The following EXOC4 variants were observed in gnomAD, a reference collection of about 807,000 sequenced individuals.
The protein encoded by EXOC4 is SEC8-like 1.
Under a neutral mutation model 107.2 loss-of-function variants are expected in EXOC4, and 71 were observed. The ratio of observed to expected loss-of-function variants is 0.66; its 90% CI spans 0.55 to 0.81. The LOEUF is 0.81. Among genes scored for constraint, EXOC4 ranks in the 30% least tolerant of loss-of-function variants. The probability of loss-of-function intolerance (pLI) is 0.00; values close to 1 mark genes in which losing one functional copy is unlikely to be tolerated. For synonymous variants in EXOC4, 456 were observed against 441.2 expected (o/e 1.03, Z -0.42); for missense variants, 1,108 against 1,189.6 (o/e 0.93, Z 1.01).
At chr7:133,424,425 A>G (rs1797677941) in intron 7 of EXOC4, among the ~76,000 whole-genome samples, 1 of 152,090 alleles carries the variant, frequency 6.6e-6, no homozygotes, top group African/African-American at 2.4e-5. Flanking sequence ...CAGCGAGACC[A>G]CGAACCCACC....
At chr7:133,436,146 A>T (rs929236066) in intron 7 of EXOC4, among the ~76,000 whole-genome samples, 1 of 151,630 alleles carries the variant, frequency 6.6e-6, no homozygotes, top group South Asian at 2.1e-4. Context: ...TTTTTGAAAG[A>T]TGTTTTTCTT....
chr7:134,007,630 A>G, intron 16 of EXOC4, 46 bp from the exon 17 acceptor site: 2 of 1,523,940 alleles, frequency 1.3e-6, no homozygotes, highest in Non-Finnish European at 1.8e-6. Flanking sequence ...GAATGCCTCT[A>G]ATCTGTCATC....
At chr7:133,657,051 G>C (rs903590243) in intron 10 of EXOC4, among the ~76,000 whole-genome samples, 2 of 152,146 alleles carry the variant, frequency 1.3e-5, no homozygotes, top group East Asian at 1.9e-4. Flanking sequence ...TCTTAGTCTG[G>C]AAAGGTAAAA....
chr7:133,403,050 A>G (rs1797128063), intron 7 of EXOC4, among the ~76,000 whole-genome samples: 2 of 151,312 alleles, frequency 1.3e-5, no homozygotes, highest in African/African-American at 4.9e-5. Context: ...ATGCCCAGCT[A>G]ATTTTTTTAT....
intron 9 of EXOC4, among the ~76,000 whole-genome samples, chr7:133,583,175 T>C (rs767826503): frequency 6.6e-6 from 1 of 152,220 alleles, no homozygotes; most frequent in Non-Finnish European, 1.5e-5. Context: ...TCTTCTTTAT[T>C]TACATTTTAT....
At position 133,374,901 on chromosome 7, in the gene EXOC4, G is replaced by T; in HGVS notation, c.1081G>T (p.Gly361Ter). 6.2e-7 allele frequency: 1 copy of T among 1,613,794 alleles called. No individual in the cohort carries two copies. Among genetic ancestry groups the T allele is most frequent in the Non-Finnish European group, 8.5e-7 (1 of 1,179,764 alleles). The part of the protein sequence containing the change: ...AVAAAHSVVL[G>*]YLQDTVVTPL... ...AGCCGCTGCACACTCTGTGGTCCTG[G>T]GATACCTGCAGGACACTGTAGTGAC... is the stretch of plus-strand genomic sequence containing the variant. Residue 361 changes from glycine (G) to a stop codon, truncating the protein, a stop_gained, in exon 7 of 18, where the codon GGA (glycine) becomes TGA (stop). Coordinates refer to ENST00000253861, the MANE Select transcript of EXOC4 (RefSeq NM_021807.4). LOFTEE classifies it high-confidence loss of function.
At chr7:133,462,861 A>G (rs1798627682) in intron 7 of EXOC4, among the ~76,000 whole-genome samples, 1 of 152,174 alleles carries the variant, frequency 6.6e-6, no homozygotes, top group Admixed American at 6.5e-5. Context: ...ATATAAAAAG[A>G]ACCAATAGGA....
intron 10 of EXOC4, among the ~76,000 whole-genome samples, chr7:133,706,795 A>G (rs1372878246): frequency 5.3e-5 from 8 of 152,112 alleles, no homozygotes; most frequent in Admixed American, 5.2e-4. Context: ...CAAGGGGAAA[A>G]GGTGGAGAGG....
intron 14 of EXOC4, among the ~76,000 whole-genome samples, chr7:133,991,006 T>C (rs1794243354): frequency 6.6e-6 from 1 of 152,174 alleles, no homozygotes; most frequent in South Asian, 2.1e-4. Flanking sequence ...CTGCATGCTG[T>C]TTTCCATAAT....
chr7:133,261,202 G>C (rs1287387704), intron 1 of EXOC4, among the ~76,000 whole-genome samples: 2 of 149,512 alleles, frequency 1.3e-5, no homozygotes, highest in East Asian at 1.9e-4. Flanking sequence ...TTTATCATCT[G>C]TGTCATTTCT....
chr7:133,544,948 G>A (rs1255780034), intron 9 of EXOC4, among the ~76,000 whole-genome samples: 1 of 150,990 alleles, frequency 6.6e-6, no homozygotes, highest in African/African-American at 2.4e-5. Context: ...TTTTTGTCTC[G>A]ATTATTATGT....
chr7:133,534,502 T>A (rs775120923), intron 9 of EXOC4, among the ~76,000 whole-genome samples: 13 of 152,286 alleles, frequency 8.5e-5, no homozygotes, highest in Non-Finnish European at 1.6e-4. Flanking sequence ...ATCACAGCTC[T>A]GTGTGTGTCC....
chr7:133,450,258 G>T (rs1395271607), intron 7 of EXOC4, among the ~76,000 whole-genome samples: 1 of 151,920 alleles, frequency 6.6e-6, no homozygotes, highest in Admixed American at 6.6e-5. Flanking sequence ...CAAACTCTTC[G>T]GCTCAAGCAA....
At chr7:133,804,467 A>G (rs139778305) in intron 10 of EXOC4, among the ~76,000 whole-genome samples, 159 of 152,286 alleles carry the variant, frequency 1.0e-3, no homozygotes, top group African/African-American at 3.6e-3. Context: ...TAAGTTCAGC[A>G]ATAAGGGTGG....
At chr7:133,621,959 CTG>C (rs1218986812) in intron 9 of EXOC4, among the ~76,000 whole-genome samples, 3 of 151,626 alleles carry the variant, frequency 2.0e-5, no homozygotes, top group African/African-American at 7.2e-5. Context: ...TTTTGTCTGT[CTG>C]TCTGTCTGTC....
At chr7:133,727,212 T>C (rs1795232977) in intron 10 of EXOC4, among the ~76,000 whole-genome samples, 1 of 152,238 alleles carries the variant, frequency 6.6e-6, no homozygotes, top group Non-Finnish European at 1.5e-5. Context: ...CAGATAGCTA[T>C]TGCCAGCATA....
chr7:133,787,916 A>G (rs923260658), intron 10 of EXOC4, among the ~76,000 whole-genome samples: 2 of 138,446 alleles, frequency 1.4e-5, no homozygotes, highest in East Asian at 4.5e-4. Flanking sequence ...TCAAGGTCAC[A>G]CAGGTAGCAA....
At chr7:133,815,230 A>C (rs1038332082) in intron 10 of EXOC4, among the ~76,000 whole-genome samples, 1 of 152,068 alleles carries the variant, frequency 6.6e-6, no homozygotes, top group Non-Finnish European at 1.5e-5. Flanking sequence ...AATAGAAAAA[A>C]ATTAGCTGGG....
At chr7:133,253,355 CT>C (rs1407684382) in intron 1 of EXOC4, 168 bp downstream of exon 1, 2 of 1,405,784 alleles carry the variant, frequency 1.4e-6, no homozygotes, top group Non-Finnish European at 9.3e-7. Context: ...GCAATTCCCC[CT>C]CCACCTTTTT....
Sources: allele counts gnomAD v4.1 joint callset (sites outside exome capture counted in the v4.1 genomes callset), GRCh38; gene constraint gnomAD v4.1.1; transcripts MANE v1.5; gene names NCBI Gene and HGNC (gene_info 2026-07-23, HGNC 2026-07-21).